The following CRHR2 variants were observed in gnomAD, a reference collection of about 807,000 sequenced individuals.
CRHR2 encodes corticotropin releasing hormone receptor 2, also known as corticotropin-releasing hormone receptor 2.
A neutral mutation model predicts 57.9 loss-of-function variants in CRHR2; 53 were observed. The ratio of observed to expected loss-of-function variants is 0.92; its 90% CI spans 0.73 to 1.15. CRHR2 has a LOEUF of 1.15. Among genes scored for constraint, CRHR2 ranks in the 50% most tolerant of loss-of-function variants. The pLI, the probability that CRHR2 is intolerant of heterozygous loss-of-function variation, is 0.00. For synonymous variants in CRHR2, 213 were observed against 220.9 expected (o/e 0.96, Z 0.32); for missense variants, 532 against 542.6 (o/e 0.98, Z 0.19).
chr7:30,674,077 C>T lies in CRHR2; in HGVS notation c.230-6764G>A, dbSNP rs118175880. Among the ~76,000 whole-genome samples, 64 of 152,300 alleles carry T rather than the reference C, an allele frequency of 4.2e-4. 1 individual carries two copies. The East Asian group carries it at 9.1e-3, about 22-fold the overall frequency. On this transcript the variant is annotated intron_variant, in intron 2 of 11. Coordinates refer to ENST00000471646, the MANE Select transcript of CRHR2 (RefSeq NM_001883.5). ...CTGGACCTTCAGAGACCCTCAACTC[C>T]CTATTTCCACAGGACTTTTCACTCA...
At chr7:30,698,255 T>G (rs1045360291) in intron 1 of CRHR2, 2 of 152,290 alleles carry the variant, frequency 1.3e-5, no homozygotes, top group African/African-American at 4.8e-5. Context: ...TCTATCCCAC[T>G]CCGGGATCCG....
chr7:30,686,880 G>A (rs1436022866), upstream of CRHR2, among the ~76,000 whole-genome samples: 1 of 152,122 alleles, frequency 6.6e-6, no homozygotes, highest in Non-Finnish European at 1.5e-5. Context: ...ATTAGTCTGT[G>A]CATTAGCCCA....
chr7:30,694,419 T>C (rs1048545096), intron 1 of CRHR2, among the ~76,000 whole-genome samples: 1 of 152,220 alleles, frequency 6.6e-6, no homozygotes, highest in African/African-American at 2.4e-5. Flanking sequence ...AAACAGAACC[T>C]GTGCCCGGGG....
intron 2 of CRHR2, among the ~76,000 whole-genome samples, chr7:30,677,372 G>C (rs986158181): frequency 6.6e-6 from 1 of 152,156 alleles, no homozygotes; most frequent in Admixed American, 6.5e-5. Flanking sequence ...GGAATGGGGA[G>C]AGGTGGGAGG....
intron 1 of CRHR2, among the ~76,000 whole-genome samples, chr7:30,690,171 T>A (rs1784933494): frequency 1.3e-5 from 2 of 152,076 alleles, no homozygotes; most frequent in African/African-American, 4.8e-5. Flanking sequence ...TTACGGCATG[T>A]ACGATTTACT....
upstream of CRHR2, chr7:30,686,475 G>C: frequency 1.3e-6 from 2 of 1,522,700 alleles, no homozygotes; most frequent in Non-Finnish European, 1.8e-6. Flanking sequence ...ATATGTGTGT[G>C]TGTTGCATTG....
intron 1 of CRHR2, among the ~76,000 whole-genome samples, chr7:30,696,890 T>C (rs1444368170): frequency 1.3e-5 from 2 of 151,818 alleles, no homozygotes; most frequent in African/African-American, 4.8e-5. Flanking sequence ...GTGCTGCAAA[T>C]TTGAGATTTA....
At chr7:30,668,116 A>T (rs1421991422) in intron 2 of CRHR2, among the ~76,000 whole-genome samples, 2 of 152,270 alleles carry the variant, frequency 1.3e-5, no homozygotes, top group Non-Finnish European at 2.9e-5. Context: ...ACATGATTTA[A>T]GTGTGAAAAG....
intron 2 of CRHR2, among the ~76,000 whole-genome samples, chr7:30,671,840 GATA>G (rs765495023): frequency 0.012 from 1,714 of 143,400 alleles, 11 homozygotes; most frequent in Admixed American, 0.017. Flanking sequence ...TGATGATGAT[GATA>G]ATGATGATGA....
chr7:30,671,579 T>C (rs1784353110), intron 2 of CRHR2, among the ~76,000 whole-genome samples: 1 of 148,420 alleles, frequency 6.7e-6, no homozygotes, highest in Non-Finnish European at 1.5e-5. Context: ...GCAGGTGAAT[T>C]GCTTGAGCCC....
At chr7:30,693,628 TC>T (rs1194674028) in intron 1 of CRHR2, among the ~76,000 whole-genome samples, 1 of 152,160 alleles carries the variant, frequency 6.6e-6, no homozygotes, top group Non-Finnish European at 1.5e-5. Context: ...AAAGAGAGGG[TC>T]ATGGGAACTC....
intron 1 of CRHR2, among the ~76,000 whole-genome samples, chr7:30,690,697 C>T (rs1023136049): frequency 9.9e-5 from 15 of 151,142 alleles, no homozygotes; most frequent in Non-Finnish European, 2.1e-4. Context: ...ATGCTCAGCC[C>T]TCACCACGTC....
chr7:30,681,580 C>T (rs1184175562), intron 2 of CRHR2, among the ~76,000 whole-genome samples: 1 of 152,148 alleles, frequency 6.6e-6, no homozygotes, highest in East Asian at 1.9e-4. Context: ...ACAATGAAGC[C>T]CTAATGGGGA....
In CRHR2 at chr7:30,665,016, C is replaced by T; in HGVS notation, c.543+54G>A. ...CAGAGACCAGACAGACAGATGGGTG[C>T]CCCCGGAGCCCAGAGCCCCCCAGGT... On this transcript the variant is annotated intron_variant, in intron 5 of 11. Transcript: ENST00000471646. This position sits in a 1 kb window ranked among gnomAD's most constrained non-coding sequence, Gnocchi z 4.5. The T allele has an allele frequency of 2.1e-6, 3 of 1,406,664 alleles. No individual in the cohort carries two copies. The highest frequency in any genetic ancestry group is 1.7e-5 in the Admixed American group (1 of 59,582). The allele number at this position is 1,406,664 out of a possible 1,614,324, so 87.1% of individuals were successfully genotyped here. A position where few individuals can be genotyped will look rare whatever the true frequency, so the allele number is the denominator to read the frequency against.
At chr7:30,662,477 C>T (rs956607144) in intron 6 of CRHR2, among the ~76,000 whole-genome samples, 2 of 152,202 alleles carry the variant, frequency 1.3e-5, no homozygotes, top group Admixed American at 6.5e-5. Context: ...TTGGACAGGT[C>T]CTTCCTGGCA....
At position 30,700,101 on chromosome 7, in the gene CRHR2, C is replaced by A. The variant is rs1450164762; in HGVS notation, c.-418G>T. 6.4e-6 allele frequency: 7 copies of A among 1,093,720 alleles called. No homozygotes were observed. In the African/African-American group the frequency reaches 1.2e-4, roughly 18 times the overall value. The allele number at this position is 1,093,720 out of a possible 1,614,324, so 67.8% of individuals were successfully genotyped here. ...GCACGGTGGTCACACCCTGGCCAGC[C>A]CCACCCCACCCGGCCCTGGAGGGGA... On this transcript the variant is annotated 5_prime_UTR_variant, in exon 1 of 14. Coordinates refer to the CRHR2 transcript ENST00000341843.
intron 8 of CRHR2, among the ~76,000 whole-genome samples, chr7:30,657,395 G>T (rs1163540663): frequency 3.3e-5 from 5 of 152,224 alleles, no homozygotes; most frequent in African/African-American, 9.6e-5. Context: ...GCCTTCAGCG[G>T]GGCTGCCATG....
upstream of CRHR2, among the ~76,000 whole-genome samples, chr7:30,684,408 A>G (rs1647609674): frequency 6.6e-6 from 1 of 152,190 alleles, no homozygotes; most frequent in African/African-American, 2.4e-5. Flanking sequence ...TACTGCAGCC[A>G]CCACCTAGGT....
intron 7 of CRHR2, 123 bp downstream of exon 7, chr7:30,662,033 C>T (rs973131331): frequency 1.0e-5 from 10 of 970,234 alleles, no homozygotes; most frequent in Non-Finnish European, 1.4e-5. Flanking sequence ...ACAACAGGAA[C>T]GTGGATCTGT....
Sources: allele counts gnomAD v4.1 joint callset (sites outside exome capture counted in the v4.1 genomes callset), GRCh38; gene constraint gnomAD v4.1.1; non-coding constraint Gnocchi (gnomAD v3.1); transcripts MANE v1.5; gene names NCBI Gene and HGNC (gene_info 2026-07-23, HGNC 2026-07-21).